MLX: variants seen among roughly 807,000 people sequenced by gnomAD.
The protein encoded by MLX is max-like protein X.
Under a neutral mutation model 33.0 loss-of-function variants are expected in MLX, and 15 were observed. The observed-to-expected ratio is 0.45, with a 90% CI of 0.30 to 0.70. MLX has a LOEUF of 0.70. MLX is among the 30% of genes least tolerant of loss of function. The pLI is 0.07. For missense variants in MLX, 285 were observed against 306.3 expected (o/e 0.93, Z 0.52); for synonymous variants, 115 against 115.6 (o/e 0.99, Z 0.03).
intron 7 of MLX, among the ~76,000 whole-genome samples, chr17:42,570,845 C>T (rs1015039048): frequency 8.6e-5 from 13 of 151,950 alleles, no homozygotes; most frequent in Middle Eastern, 3.4e-3. Context: ...TTTAGTAAGA[C>T]GGGGTTTCAC....
rs753600302 is a variant in MLX, at chr17:42,569,487, T to C, written c.377-20T>C. The C allele has an allele frequency of 1.2e-6, 2 of 1,606,014 alleles. No homozygotes were observed. Among genetic ancestry groups the C allele is most frequent in the Middle Eastern group, 1.6e-4 (1 of 6,070 alleles). ...GAGAATACTTCTGTACCTGTCCTTTTTTTCTTGCCCCCACCCTAGCCATTG... is the reference window on the plus strand; with the variant it reads ...GAGAATACTTCTGTACCTGTCCTTTCTTTCTTGCCCCCACCCTAGCCATTG... On this transcript the variant is annotated intron_variant, in intron 5 of 7. Coordinates refer to ENST00000435881, the MANE Select transcript of MLX (RefSeq NM_198204.2).
chr17:42,571,004 TGA>T (rs1249244676), intron 7 of MLX, among the ~76,000 whole-genome samples: 1 of 152,172 alleles, frequency 6.6e-6, no homozygotes, highest in Admixed American at 6.5e-5. Flanking sequence ...ATTGCGATGT[TGA>T]GAGGAGTTCA....
At chr17:42,569,366 T>C (rs2093021731) in intron 5 of MLX, 63 bp downstream of exon 5, 1 of 1,551,992 alleles carries the variant, frequency 6.4e-7, no homozygotes, top group East Asian at 2.2e-5. Context: ...GGCCAGTGCC[T>C]CCTACCCACC....
chr17:42,571,635 A>G lies in MLX; in HGVS notation c.*32A>G. 6.3e-7 allele frequency: 1 copy of G among 1,593,568 alleles called. No homozygotes were observed. Among genetic ancestry groups the G allele is most frequent in the Non-Finnish European group, 8.6e-7 (1 of 1,163,458 alleles). On this transcript the variant is annotated 3_prime_UTR_variant, in exon 8 of 8. Transcript: ENST00000435881. The stretch of plus-strand genomic sequence containing the variant: ...CTTGGAAACCTGGAGAACAGCCAAC[A>G]AGAGGCCCTTGAATCTCTACGTGGC...
chr17:42,568,636 C>T, intron 3 of MLX, 77 bp downstream of exon 3: 2 of 1,388,768 alleles, frequency 1.4e-6, no homozygotes, highest in Non-Finnish European at 2.0e-6. Context: ...GACAGGGAAG[C>T]CCCAGCCATC....
intron 1 of MLX, 85 bp downstream of exon 1, chr17:42,567,251 C>A: frequency 7.5e-7 from 1 of 1,336,346 alleles, no homozygotes. Context: ...AGGGGCTTCC[C>A]TCCTGTCCCC....
chr17:42,572,781 A>T lies in MLX; in HGVS notation c.*1178A>T. The stretch of plus-strand genomic sequence containing the variant: ...TTAGACAATGAAATGGGCTGGGTCT[A>T]CCCCCAGCCACCAGCCCTCATCCTC... On this transcript the variant is annotated 3_prime_UTR_variant, in exon 8 of 8. Coordinates refer to ENST00000435881, the MANE Select transcript of MLX (RefSeq NM_198204.2). 1.4e-6 allele frequency: 1 copy of T among 722,834 alleles called. No homozygotes were observed. Among genetic ancestry groups the T allele is most frequent in the East Asian group, 2.7e-5 (1 of 36,980 alleles). The allele number at this position is 722,834 out of a possible 1,614,324, so 44.8% of individuals were successfully genotyped here. A position where few individuals can be genotyped will look rare whatever the true frequency, so the allele number is the denominator to read the frequency against.
At chr17:42,570,999 G>A (rs1050715124) in intron 7 of MLX, among the ~76,000 whole-genome samples, 2 of 152,024 alleles carry the variant, frequency 1.3e-5, no homozygotes, top group Admixed American at 1.3e-4. Flanking sequence ...AACATATTGC[G>A]ATGTTGAGAG....
At chr17:42,568,352 G>C in intron 2 of MLX, 118 bp from the exon 3 acceptor site, 4 of 667,340 alleles carry the variant, frequency 6.0e-6, no homozygotes, top group Non-Finnish European at 1.0e-5. Context: ...GACTGAGCGA[G>C]ACTCTGTCTA....
chr17:42,572,019 A>G lies in MLX; in HGVS notation c.*416A>G, dbSNP rs1048508222. 1.6e-5 allele frequency: 4 copies of G among 255,132 alleles called. No individual in the cohort carries two copies. The highest frequency in any genetic ancestry group is 5.2e-5 in the African/African-American group (2 of 38,290). The allele number at this position is 255,132 out of a possible 1,614,324, so 15.8% of individuals were successfully genotyped here. On this transcript the variant is annotated 3_prime_UTR_variant, in exon 8 of 8. Coordinates refer to ENST00000435881, the MANE Select transcript of MLX (RefSeq NM_198204.2). The stretch of plus-strand genomic sequence containing the variant: ...CATTTTTGGCCCAAGTTTGGGCAAC[A>G]TTTGGCCCAAGTTTGGGCATTTTGG...
chr17:42,572,257 C>T lies in MLX; in HGVS notation c.*654C>T. On this transcript the variant is annotated 3_prime_UTR_variant, in exon 8 of 8. Transcript: ENST00000435881. ...GCTCTGGGTGGTAAGGGAAGCCCTC[C>T]CGGTTCCCACAGGCTATGATGCTGC... 1 of 405,104 alleles carries T rather than the reference C, an allele frequency of 2.5e-6. No individual in the cohort carries two copies. Among genetic ancestry groups the T allele is most frequent in the Non-Finnish European group, 5.0e-6 (1 of 201,964 alleles). The allele number at this position is 405,104 out of a possible 1,614,324, so 25.1% of individuals were successfully genotyped here.
At position 42,572,963 on chromosome 17, in the gene MLX, G is replaced by GC; in HGVS notation, c.*1364dup. ...CAGTCCCCACCAGTCCTGACCGTGG[G>GC]CCCCTCAGGGGTCTGGGAGTGTGAC... On this transcript the variant is annotated 3_prime_UTR_variant, in exon 8 of 8. Coordinates refer to ENST00000435881, the MANE Select transcript of MLX (RefSeq NM_198204.2). 6.2e-7 allele frequency: 1 copy of GC among 1,614,038 alleles called. No homozygotes were observed. Among genetic ancestry groups the GC allele is most frequent in the Non-Finnish European group, 8.5e-7 (1 of 1,179,940 alleles).
At position 42,567,607 on chromosome 17, in the gene MLX, T is replaced by C. The variant is rs762514951; in HGVS notation, c.43-12T>C. The C allele has an allele frequency of 6.2e-7, 1 of 1,613,974 alleles. No homozygotes were observed. Among genetic ancestry groups the C allele is most frequent in the Non-Finnish European group, 8.5e-7 (1 of 1,179,970 alleles). ...GAGGTCTGACGGGCCCTTCCCGTGC[T>C]CTGTGCCGCAGGTGGAGTATGCCTA... is the stretch of plus-strand genomic sequence containing the variant. On this transcript the variant is annotated splice_polypyrimidine_tract_variant and intron_variant, in intron 1 of 7. Coordinates refer to ENST00000435881, the MANE Select transcript of MLX (RefSeq NM_198204.2).
chr17:42,571,773 T>C lies in MLX; in HGVS notation c.*170T>C, dbSNP rs373652436. 9.3e-6 allele frequency: 6 copies of C among 644,178 alleles called. No homozygotes were observed. The highest frequency in any genetic ancestry group is 9.2e-5 in the African/African-American group (5 of 54,512). 39.9% of individuals were successfully genotyped at this position (644,178 alleles called of 1,614,324 possible). A position where few individuals can be genotyped will look rare whatever the true frequency, so the allele number is the denominator to read the frequency against. On this transcript the variant is annotated 3_prime_UTR_variant, in exon 8 of 8. Transcript: ENST00000435881. ...CATTTTATCTTCAGCGGAGCCGCGG[T>C]GTTTGTTTTGTGAAAGCTTCTGATT... is the stretch of plus-strand genomic sequence containing the variant.
rs940021062 is a variant in MLX, at chr17:42,572,076, G to C, written c.*473G>C. 1 of 260,428 alleles carries C rather than the reference G, an allele frequency of 3.8e-6. No homozygotes were observed. The highest frequency in any genetic ancestry group is 2.3e-5 in the African/African-American group (1 of 44,046). The allele number at this position is 260,428 out of a possible 1,614,324, so 16.1% of individuals were successfully genotyped here. ...CTGTATGGGAGAAAAAGAGTAAGAG[G>C]AAATATTCCCACAGCCATGAAGGGT... On this transcript the variant is annotated 3_prime_UTR_variant, in exon 8 of 8. Coordinates refer to ENST00000435881, the MANE Select transcript of MLX (RefSeq NM_198204.2).
At chr17:42,568,013 T>TG (rs1463797679) in intron 2 of MLX, 2 of 317,036 alleles carry the variant, frequency 6.3e-6, no homozygotes, top group Non-Finnish European at 1.2e-5. Context: ...TGGCAGGAAG[T>TG]GGGGGGCCCA....
chr17:42,568,914 G>T lies in MLX; in HGVS notation c.247G>T (p.Ala83Ser). The change falls in exon 4 of 8, where the codon GCT (alanine) becomes TCT (serine). Residue 83 changes from alanine to serine, a missense_variant. Transcript: ENST00000435881. ...CCGGCGGCGGCGCGCACACACTCAG[G>T]CTGAGCAGAAGAGGAGGGACGCCAT... ...KDRRRRAHTQ[A>S]EQKRRDAIKR... 6.2e-7 allele frequency: 1 copy of T among 1,610,806 alleles called. No individual in the cohort carries two copies. Among genetic ancestry groups the T allele is most frequent in the Non-Finnish European group, 8.5e-7 (1 of 1,178,376 alleles).
In MLX at chr17:42,568,566, A is replaced by G. The variant is rs368757019; in HGVS notation, c.169+7A>G. The G allele has an allele frequency of 1.2e-6, 2 of 1,611,520 alleles. No individual in the cohort carries two copies. The highest frequency in any genetic ancestry group is 2.7e-5 in the African/African-American group (2 of 74,822). On this transcript the variant is annotated splice_region_variant and intron_variant, in intron 3 of 7. Coordinates refer to ENST00000435881, the MANE Select transcript of MLX (RefSeq NM_198204.2). ...TCTTCTGTCCCCAACACAGGTAGGC[A>G]GTAACATCCCCCCCGACCTCGGGGG...
rs759552263 is a variant in MLX, at chr17:42,571,637, G to C, written c.*34G>C. The C allele has an allele frequency of 5.7e-6, 9 of 1,592,678 alleles. No individual in the cohort carries two copies. In the African/African-American group the frequency reaches 1.1e-4, roughly 19 times the overall value. On this transcript the variant is annotated 3_prime_UTR_variant, in exon 8 of 8. Transcript: ENST00000435881. ...TGGAAACCTGGAGAACAGCCAACAA[G>C]AGGCCCTTGAATCTCTACGTGGCCA...
Sources: allele counts gnomAD v4.1 joint callset (sites outside exome capture counted in the v4.1 genomes callset), GRCh38; gene constraint gnomAD v4.1.1; transcripts MANE v1.5; gene names NCBI Gene and HGNC (gene_info 2026-07-23, HGNC 2026-07-21).